The following CHD6 variants were observed in gnomAD, a reference collection of about 807,000 sequenced individuals.
CHD6 encodes chromodomain helicase DNA binding protein 6.
A neutral mutation model predicts 276.9 loss-of-function variants in CHD6; 50 were observed. That is an observed-to-expected ratio of 0.18 (90% CI 0.14 to 0.23). The LOEUF (loss-of-function observed/expected upper bound fraction) is 0.23. CHD6 is among the 10% of genes least tolerant of loss of function. The pLI is 1.00. For missense variants in CHD6, 2,564 were observed against 3,365.8 expected (o/e 0.76, Z 5.89); for synonymous variants, 1,173 against 1,229.3 (o/e 0.95, Z 0.96).
At chr20:41,549,838 G>C (rs1485586939) in intron 2 of CHD6, among the ~76,000 whole-genome samples, 5 of 152,146 alleles carry the variant, frequency 3.3e-5, no homozygotes, top group East Asian at 1.9e-4. Flanking sequence ...TCTTGCTCTT[G>C]TCCAGGCTGG....
chr20:41,515,161 A>G (rs1333439967), intron 3 of CHD6, among the ~76,000 whole-genome samples: 1 of 152,226 alleles, frequency 6.6e-6, no homozygotes, highest in African/African-American at 2.4e-5. Context: ...ACACCCCATC[A>G]TGACTATTAT....
intron 1 of CHD6, among the ~76,000 whole-genome samples, chr20:41,551,825 G>C (rs546124589): frequency 3.3e-5 from 5 of 152,252 alleles, no homozygotes; most frequent in African/African-American, 9.6e-5. Flanking sequence ...TCTCTCTAAG[G>C]AGTGAGACAG....
At chr20:41,578,053 A>G (rs915208762) in intron 1 of CHD6, among the ~76,000 whole-genome samples, 2 of 152,258 alleles carry the variant, frequency 1.3e-5, no homozygotes, top group African/African-American at 4.8e-5. Flanking sequence ...ACGTGATAAC[A>G]GCAGTGAGAA....
At chr20:41,591,373 T>TACACACAC (rs1436245685) in intron 1 of CHD6, among the ~76,000 whole-genome samples, 2 of 120,078 alleles carry the variant, frequency 1.7e-5, no homozygotes, top group African/African-American at 3.9e-5. Flanking sequence ...TACATATATA[T>TACACACAC]ATATATACAC....
Position 41,420,676 on chromosome 20 carries a change from G to C in CHD6, c.5959C>G (p.Gln1987Glu). ...AGCTCATGCTTCACTTTAAACGGCTGTGATGGAATAGCAGTGGGTTCACCC... is the reference window on the plus strand; with the variant it reads ...AGCTCATGCTTCACTTTAAACGGCTCTGATGGAATAGCAGTGGGTTCACCC... ...MEGEPTAIPS[Q>E]PFKVKHELLK... Residue 1987 changes from glutamine to glutamate, a missense_variant, in exon 31 of 37, where the codon CAG (glutamine) becomes GAG (glutamate). Physicochemically the swap from Gln to Glu is conservative, Grantham distance 29. Coordinates refer to ENST00000373233, the MANE Select transcript of CHD6 (RefSeq NM_032221.5). 1.2e-6 allele frequency: 2 copies of C among 1,614,214 alleles called. No individual in the cohort carries two copies. Among genetic ancestry groups the C allele is most frequent in the Non-Finnish European group, 1.7e-6 (2 of 1,180,046 alleles).
chr20:41,411,996 A>G, intron 36 of CHD6, 148 bp downstream of exon 36: 1 of 1,132,220 alleles, frequency 8.8e-7, no homozygotes, highest in Non-Finnish European at 1.2e-6. Context: ...TCTTGCTGCT[A>G]ATCAACTTCC....
Position 41,403,604 on chromosome 20 carries a change from A to G in CHD6, c.*989T>C, listed in dbSNP as rs543054564. ...TCAGACACTCTTGATCAAAGGACCT[A>G]CTAGCAAGTGTCAAAGTGTTGGGCA... is the stretch of plus-strand genomic sequence containing the variant. On this transcript the variant is annotated 3_prime_UTR_variant, in exon 37 of 37. Coordinates refer to ENST00000373233, the MANE Select transcript of CHD6 (RefSeq NM_032221.5). 1.9e-6 allele frequency: 2 copies of G among 1,062,688 alleles called. No homozygotes were observed. The highest frequency in any genetic ancestry group is 1.0e-4 in the East Asian group (2 of 19,740). The allele number at this position is 1,062,688 out of a possible 1,614,324, so 65.8% of individuals were successfully genotyped here. A position where few individuals can be genotyped will look rare whatever the true frequency, so the allele number is the denominator to read the frequency against.
chr20:41,441,858 T>C (rs769565372), intron 25 of CHD6, among the ~76,000 whole-genome samples: 36 of 152,308 alleles, frequency 2.4e-4, no homozygotes, highest in Middle Eastern at 3.4e-3. Context: ...CTCTTTTCAC[T>C]TTTAGTCTAT....
intron 5 of CHD6, among the ~76,000 whole-genome samples, chr20:41,508,721 G>A (rs2044038366): frequency 6.6e-6 from 1 of 152,138 alleles, no homozygotes; most frequent in African/African-American, 2.4e-5. Flanking sequence ...AGTCTCACAT[G>A]CTGGCACGAA....
chr20:41,560,054 G>T (rs913350798), intron 1 of CHD6, among the ~76,000 whole-genome samples: 1 of 151,852 alleles, frequency 6.6e-6, no homozygotes, highest in Non-Finnish European at 1.5e-5. Context: ...GTCGACTCCG[G>T]TTTATTCCCA....
intron 2 of CHD6, among the ~76,000 whole-genome samples, chr20:41,534,753 G>C (rs78312921): frequency 6.6e-6 from 1 of 152,172 alleles, no homozygotes; most frequent in African/African-American, 2.4e-5. Context: ...ACTTGAGATG[G>C]CTTTGGAAAA....
At chr20:41,479,496 C>T (rs1443202768) in intron 16 of CHD6, among the ~76,000 whole-genome samples, 1 of 151,910 alleles carries the variant, frequency 6.6e-6, no homozygotes, top group Non-Finnish European at 1.5e-5. Context: ...GGGACCAGGG[C>T]ACAGTGGACT....
chr20:41,492,604 T>C (rs1294556079), intron 10 of CHD6, among the ~76,000 whole-genome samples: 2 of 152,246 alleles, frequency 1.3e-5, no homozygotes, highest in Non-Finnish European at 2.9e-5. Flanking sequence ...CAACTGATTC[T>C]CTTTTCAAGT....
intron 13 of CHD6, 33 bp from the exon 14 acceptor site, chr20:41,487,841 C>T (rs1165558356): frequency 1.3e-6 from 2 of 1,585,470 alleles, no homozygotes; most frequent in South Asian, 2.4e-5. Flanking sequence ...ATGGACAGTG[C>T]TTGAGCCATC....
chr20:41,421,301 T>G lies in CHD6; in HGVS notation c.5334A>C (p.Lys1778Asn). 1 of 1,614,132 alleles carries G rather than the reference T, an allele frequency of 6.2e-7. No homozygotes were observed. Residue 1778 changes from lysine to asparagine, a missense_variant, in exon 31 of 37, where the codon AAA (lysine) becomes AAC (asparagine). Around this residue, in one of 7 missense-constraint regions of CHD6, gnomAD observed 1,024 missense variants for 1,047.9 expected, o/e 0.98. Coordinates refer to ENST00000373233, the MANE Select transcript of CHD6 (RefSeq NM_032221.5). ...CCTTTGAAATAGACATCAACAAATG[T>G]TTTCCATTTTTGATGTTTGCTTGAG... ...GVAQANIKNGKHLLMSISKEG... is the reference protein window; with the variant it reads ...GVAQANIKNGNHLLMSISKEG...
Position 41,403,212 on chromosome 20 carries a change from C to G in CHD6, c.*1381G>C. 1 of 1,003,262 alleles carries G rather than the reference C, an allele frequency of 1.0e-6. No individual in the cohort carries two copies. The highest frequency in any genetic ancestry group is 1.2e-6 in the Non-Finnish European group (1 of 823,720). 62.1% of individuals were successfully genotyped at this position (1,003,262 alleles called of 1,614,324 possible). The stretch of plus-strand genomic sequence containing the variant: ...TAAATTGTGACAACAAAAAGTGAAA[C>G]TGGTACTAGTAACACTTGCAACATT... On this transcript the variant is annotated 3_prime_UTR_variant, in exon 37 of 37. Transcript: ENST00000373233.
chr20:41,530,197 A>T (rs1174024493), intron 3 of CHD6, among the ~76,000 whole-genome samples: 2 of 152,224 alleles, frequency 1.3e-5, no homozygotes, highest in African/African-American at 4.8e-5. Context: ...TGATAAACGA[A>T]TGCCCATTTC....
chr20:41,468,979 G>A (rs2042992108), intron 17 of CHD6, among the ~76,000 whole-genome samples: 1 of 152,148 alleles, frequency 6.6e-6, no homozygotes. Context: ...ATAACATAGC[G>A]AGATCCTGTC....
intron 1 of CHD6, among the ~76,000 whole-genome samples, chr20:41,569,698 A>G (rs1266574426): frequency 6.6e-6 from 1 of 152,262 alleles, no homozygotes; most frequent in Non-Finnish European, 1.5e-5. Flanking sequence ...AAAAATATTT[A>G]ATAACAATAA....
Sources: allele counts gnomAD v4.1 joint callset (sites outside exome capture counted in the v4.1 genomes callset), GRCh38; gene constraint gnomAD v4.1.1; regional missense constraint gnomAD v4.1.1; transcripts MANE v1.5; gene names NCBI Gene and HGNC (gene_info 2026-07-23, HGNC 2026-07-21).